The following SGPL1 variants were observed in gnomAD, a reference collection of about 807,000 sequenced individuals.
SGPL1 encodes the protein sphingosine-1-phosphate lyase 1, also known as SP-lyase 1.
SGPL1 carries 37 observed loss-of-function variants against 68.9 expected under a neutral mutation model. The ratio of observed to expected loss-of-function variants is 0.54; its 90% confidence interval spans 0.41 to 0.71. SGPL1 has a LOEUF of 0.71. SGPL1 is among the 30% of genes least tolerant of loss of function. The pLI is 0.00. For synonymous variants in SGPL1, 236 were observed against 248.5 expected (o/e 0.95, Z 0.47); for missense variants, 551 against 704.6 (o/e 0.78, Z 2.47).
chr10:70,824,104 AC>A (rs1485622595), intron 2 of SGPL1, among the ~76,000 whole-genome samples: 1 of 152,226 alleles, frequency 6.6e-6, no homozygotes, highest in Non-Finnish European at 1.5e-5. Context: ...CTATCAAAAG[AC>A]CATAATCATC....
intron 1 of SGPL1, 128 bp from the exon 2 acceptor site, chr10:70,816,683 A>G: frequency 2.7e-6 from 2 of 733,726 alleles, no homozygotes. Context: ...GGACTGTGAT[A>G]TCTGGGAATG....
At chr10:70,823,492 GA>G (rs1389656084) in intron 2 of SGPL1, among the ~76,000 whole-genome samples, 1 of 102,802 alleles carries the variant, frequency 9.7e-6, no homozygotes, top group African/African-American at 3.7e-5. Flanking sequence ...CATTTAAAAA[GA>G]AAAATATGTA....
At chr10:70,843,388 A>G (rs1845746450) in intron 2 of SGPL1, among the ~76,000 whole-genome samples, 1 of 152,222 alleles carries the variant, frequency 6.6e-6, no homozygotes, top group Admixed American at 6.5e-5. Flanking sequence ...GGAGATGCTT[A>G]ATCAATGTTG....
In SGPL1 at chr10:70,880,869, C is replaced by T. The variant is rs1363631803; in HGVS notation, c.*3534C>T. On this transcript the variant is annotated 3_prime_UTR_variant, in exon 15 of 15. Coordinates refer to ENST00000373202, the MANE Select transcript of SGPL1 (RefSeq NM_003901.4). ...GCCTGGCTTATCTAGGAAGTCGTGT[C>T]TGGGGTGCTTATTGCTGCTCCATAC... is the stretch of plus-strand genomic sequence containing the variant. 1 of 152,140 alleles carries T rather than the reference C, an allele frequency of 6.6e-6. No homozygotes were observed. The highest frequency in any genetic ancestry group is 6.5e-5 in the Admixed American group (1 of 15,274). The allele number at this position is 152,140 out of a possible 1,614,324, so 9.4% of individuals were successfully genotyped here.
chr10:70,877,127 T>C lies in SGPL1; in HGVS notation c.1567-68T>C, dbSNP rs148686928. ...CTAGGACTCGGGGAGAAGGGGCTCA[T>C]TGCTGCAGTTTTATTCTTGCTTTTG... On this transcript the variant is annotated intron_variant, in intron 14 of 14. Transcript: ENST00000373202. 253 of 1,517,236 alleles carry C rather than the reference T, an allele frequency of 1.7e-4. 1 individual carries two copies. The African/African-American group carries it at 2.9e-3, about 17-fold the overall frequency. The allele number at this position is 1,517,236 out of a possible 1,614,324, so 94.0% of individuals were successfully genotyped here. A position where few individuals can be genotyped will look rare whatever the true frequency, so the allele number is the denominator to read the frequency against.
rs571636117 is a variant in SGPL1 at position 70,844,587 on chromosome 10, G to A, written c.142G>A (p.Val48Met). The change falls in exon 3 of 15, where the codon GTG (valine) becomes ATG (methionine). Residue 48 changes from valine to methionine, a missense_variant. By Grantham distance (21) the Val-to-Met change is conservative. Coordinates refer to ENST00000373202, the MANE Select transcript of SGPL1 (RefSeq NM_003901.4). ...CTGGCAGCTAATTGCATGGAGTGTC[G>A]TGTGGACCCTGCTGATAGTCTGGGG... The part of the protein sequence containing the change: ...EPWQLIAWSV[V>M]WTLLIVWGYE... The A allele has an allele frequency of 7.4e-6, 12 of 1,614,078 alleles. No individual in the cohort carries two copies. Among genetic ancestry groups the A allele is most frequent in the South Asian group, 2.2e-5 (2 of 91,082 alleles).
intron 2 of SGPL1, among the ~76,000 whole-genome samples, chr10:70,837,657 A>G (rs1046707477): frequency 6.6e-6 from 1 of 152,184 alleles, no homozygotes; most frequent in African/African-American, 2.4e-5. Context: ...TACAGAGTAG[A>G]GCTCTTTCTA....
chr10:70,847,032 T>G (rs1845802257), intron 3 of SGPL1, among the ~76,000 whole-genome samples: 1 of 152,244 alleles, frequency 6.6e-6, no homozygotes, highest in Non-Finnish European at 1.5e-5. Flanking sequence ...AGGAATATGC[T>G]GGCCTCTGAG....
intron 3 of SGPL1, among the ~76,000 whole-genome samples, chr10:70,848,827 A>G (rs1400200974): frequency 1.3e-5 from 2 of 152,162 alleles, no homozygotes; most frequent in Admixed American, 6.5e-5. Flanking sequence ...GACGTATGCA[A>G]CACATTTTTA....
intron 2 of SGPL1, among the ~76,000 whole-genome samples, chr10:70,819,386 T>C (rs777331379): frequency 5.3e-5 from 8 of 152,198 alleles, no homozygotes; most frequent in Non-Finnish European, 1.0e-4. Context: ...ATTCATTCCT[T>C]GACTGTAATG....
intron 3 of SGPL1, among the ~76,000 whole-genome samples, chr10:70,845,236 G>T (rs550443863): frequency 1.3e-5 from 2 of 151,938 alleles, no homozygotes; most frequent in Admixed American, 6.6e-5. Flanking sequence ...TAAACCTTTG[G>T]TACCAGTTTC....
intron 2 of SGPL1, among the ~76,000 whole-genome samples, chr10:70,829,669 G>A (rs866994855): frequency 1.3e-5 from 2 of 151,900 alleles, no homozygotes; most frequent in African/African-American, 2.4e-5. Flanking sequence ...TTAGTGTTGT[G>A]CCACACATCA....
chr10:70,847,969 A>G (rs765519734), intron 3 of SGPL1, among the ~76,000 whole-genome samples: 16 of 152,226 alleles, frequency 1.1e-4, no homozygotes, highest in Non-Finnish European at 2.1e-4. Context: ...AGAAGTGGGC[A>G]GCGGCATGAA....
intron 5 of SGPL1, 124 bp downstream of exon 5, chr10:70,854,979 C>T (rs1845942006): frequency 6.7e-6 from 5 of 751,176 alleles, no homozygotes; most frequent in Non-Finnish European, 9.8e-6. Context: ...AGGGCCTACT[C>T]TCTGTTTCAC....
At chr10:70,851,461 C>A (rs192545273) in intron 4 of SGPL1, among the ~76,000 whole-genome samples, 2 of 151,780 alleles carry the variant, frequency 1.3e-5, no homozygotes, top group South Asian at 2.1e-4. Context: ...GCAGCCCCCC[C>A]CCACCCACCA....
intron 2 of SGPL1, among the ~76,000 whole-genome samples, chr10:70,828,345 A>G (rs549918790): frequency 1.3e-5 from 2 of 152,322 alleles, no homozygotes; most frequent in African/African-American, 4.8e-5. Context: ...TTTCGGAGAC[A>G]GGGTTTCACC....
At chr10:70,841,894 C>T (rs1231824919) in intron 2 of SGPL1, among the ~76,000 whole-genome samples, 1 of 152,108 alleles carries the variant, frequency 6.6e-6, no homozygotes, top group Non-Finnish European at 1.5e-5. Flanking sequence ...ATAGTTAATA[C>T]TGATATTAAC....
Position 70,859,904 on chromosome 10 carries a change from C to T in SGPL1, c.615+405C>T, listed in dbSNP as rs192934780. ...TCTCTACACTCTTTCCCTCCCTACC[C>T]GCTTCTTCCCTCATCCCCCACCTGC... is the stretch of plus-strand genomic sequence containing the variant. On this transcript the variant is annotated intron_variant, in intron 7 of 14. Coordinates refer to ENST00000373202, the MANE Select transcript of SGPL1 (RefSeq NM_003901.4). 5.5e-3 allele frequency among the ~76,000 whole-genome samples: 843 copies of T among 152,234 alleles called. 18 individuals are homozygous for T. Among genetic ancestry groups the T allele is most frequent in the Non-Finnish European group, 3.8e-3 (256 of 68,014 alleles).
Position 70,868,560 on chromosome 10 carries a change from C to T in SGPL1, c.704+127C>T, listed in dbSNP as rs1408949042. On this transcript the variant is annotated intron_variant, in intron 8 of 14. Transcript: ENST00000373202. ...CTCTGGTAATTCTGGTCCCCTTTCCCCCTGTCCTAGCCCCTCTGCCCTTAT... is the reference window on the plus strand; with the variant it reads ...CTCTGGTAATTCTGGTCCCCTTTCCTCCTGTCCTAGCCCCTCTGCCCTTAT... The T allele has an allele frequency of 3.4e-5, 25 of 743,588 alleles. No homozygotes were observed. The East Asian group carries it at 6.3e-4, about 19-fold the overall frequency. 46.1% of individuals were successfully genotyped at this position (743,588 alleles called of 1,614,324 possible).
Sources: allele counts gnomAD v4.1 joint callset (sites outside exome capture counted in the v4.1 genomes callset), GRCh38; gene constraint gnomAD v4.1.1; transcripts MANE v1.5; gene names NCBI Gene and HGNC (gene_info 2026-07-23, HGNC 2026-07-21).